Variants in COL11A1 observed in about 807,000 individuals in gnomAD.
COL11A1 encodes the protein collagen type XI alpha 1 chain.
COL11A1 carries 74 observed loss-of-function variants against 265.2 expected under a neutral mutation model. The ratio of observed to expected loss-of-function variants is 0.28; its 90% CI spans 0.23 to 0.34. The LOEUF (loss-of-function observed/expected upper bound fraction) is 0.34. COL11A1 is among the 10% of genes least tolerant of loss of function. The pLI, the probability that COL11A1 is intolerant of heterozygous loss-of-function variation, is 1.00. For synonymous variants in COL11A1, 816 were observed against 727.6 expected (o/e 1.12, Z -1.96); for missense variants, 2,165 against 2,263.6 (o/e 0.96, Z 0.88).
At position 102,886,972 on chromosome 1, in the gene COL11A1, C is replaced by T. The variant is rs749676525; in HGVS notation, c.4693G>A (p.Ala1565Thr). ...RRHTEGMQADADDNILDYSDG... is the reference protein window; with the variant it reads ...RRHTEGMQADTDDNILDYSDG... ...GAGTAATCAAGAATATTATCATCTG[C>T]ATCTGCTTGCATGCCTTCAGTATGT... Residue 1565 changes from alanine (A) to threonine (T), a missense_variant, in exon 63 of 67, where the codon GCA becomes ACA. Ala to Thr is a moderately conservative substitution (Grantham distance 58). Coordinates refer to ENST00000370096, the MANE Select transcript of COL11A1 (RefSeq NM_001854.4). The T allele has an allele frequency of 1.2e-6, 2 of 1,613,870 alleles. No individual in the cohort carries two copies. The highest frequency in any genetic ancestry group is 8.5e-7 in the Non-Finnish European group (1 of 1,179,874).
chr1:103,040,725 G>A (rs1410305607), intron 4 of COL11A1, among the ~76,000 whole-genome samples: 1 of 151,488 alleles, frequency 6.6e-6, no homozygotes, highest in Non-Finnish European at 1.5e-5. Flanking sequence ...ATCATTTTGA[G>A]ACCTCTTTTT....
At chr1:103,012,506 C>A (rs759986986) in intron 13 of COL11A1, 37 bp from the exon 14 acceptor site, 2 of 1,497,906 alleles carry the variant, frequency 1.3e-6, no homozygotes, top group East Asian at 4.5e-5. Context: ...GTAATATTCT[C>A]CTGGAAGAGC....
intron 41 of COL11A1, among the ~76,000 whole-genome samples, chr1:102,951,538 A>G (rs1659878076): frequency 1.3e-5 from 2 of 152,080 alleles, no homozygotes; most frequent in Middle Eastern, 3.2e-3. Context: ...TCTACCAAAT[A>G]CAATAAATTA....
In COL11A1 at chr1:102,984,125, C is replaced by G. The variant is rs1471243934; in HGVS notation, c.2556+13G>C. 1 of 1,571,600 alleles carries G rather than the reference C, an allele frequency of 6.4e-7. No homozygotes were observed. Among genetic ancestry groups the G allele is most frequent in the Non-Finnish European group, 8.7e-7 (1 of 1,143,718 alleles). On this transcript the variant is annotated intron_variant, in intron 31 of 66. Coordinates refer to ENST00000370096, the MANE Select transcript of COL11A1 (RefSeq NM_001854.4). ...CGAAATGTTAATAAACTATAAATAT[C>G]AAGCTGTTTTACCTTTGGACCTTGT...
chr1:102,951,046 C>T (rs1659824867), intron 41 of COL11A1, among the ~76,000 whole-genome samples: 1 of 152,164 alleles, frequency 6.6e-6, no homozygotes, highest in East Asian at 1.9e-4. Flanking sequence ...CCCAGCCGTG[C>T]TGTACTGTGA....
chr1:102,924,697 A>C (rs533127611), intron 46 of COL11A1, among the ~76,000 whole-genome samples: 1 of 152,310 alleles, frequency 6.6e-6, no homozygotes, highest in South Asian at 2.1e-4. Flanking sequence ...TATGATACTG[A>C]AAATCCTGTC....
At chr1:103,037,158 A>G (rs1668439427) in intron 4 of COL11A1, among the ~76,000 whole-genome samples, 1 of 149,944 alleles carries the variant, frequency 6.7e-6, no homozygotes, top group South Asian at 2.1e-4. Context: ...ATATATATAT[A>G]AAGTCTATAT....
At chr1:103,060,931 A>G (rs1464397452) in intron 4 of COL11A1, among the ~76,000 whole-genome samples, 1 of 152,108 alleles carries the variant, frequency 6.6e-6, no homozygotes, top group Non-Finnish European at 1.5e-5. Context: ...TTAAATATGA[A>G]TGATTTAAAT....
intron 65 of COL11A1, among the ~76,000 whole-genome samples, chr1:102,880,874 T>C (rs1650152448): frequency 6.6e-6 from 1 of 151,920 alleles, no homozygotes; most frequent in South Asian, 2.1e-4. Context: ...ACACATAGAG[T>C]TCTATCTGTA....
At chr1:102,951,515 G>A (rs897008430) in intron 41 of COL11A1, among the ~76,000 whole-genome samples, 12 of 152,138 alleles carry the variant, frequency 7.9e-5, no homozygotes, top group African/African-American at 2.7e-4. Flanking sequence ...GGCTAACACG[G>A]TGAAACCCTG....
In COL11A1 at chr1:103,082,926, T is replaced by C; in HGVS notation, c.153A>G (p.Pro51=). The change falls in exon 2 of 67, where the codon CCA becomes CCG. Residue 51 remains proline, a synonymous_variant. Transcript: ENST00000370096. Reference sequence around the variant, plus strand: ...ATCCCGTTGTTTTTGATATTCCCTCTGGAGAATTGTGAAAATCTAGTGCTT... The same window carrying C: ...ATCCCGTTGTTTTTGATATTCCCTCCGGAGAATTGTGAAAATCTAGTGCTT... ...VLKALDFHNS[P]EGISKTTGFC... 4 of 1,613,488 alleles carry C rather than the reference T, an allele frequency of 2.5e-6. No homozygotes were observed. Among genetic ancestry groups the C allele is most frequent in the Non-Finnish European group, 3.4e-6 (4 of 1,179,672 alleles).
intron 41 of COL11A1, among the ~76,000 whole-genome samples, chr1:102,960,197 G>T (rs1557873707): frequency 6.6e-6 from 1 of 152,076 alleles, no homozygotes; most frequent in Non-Finnish European, 1.5e-5. Flanking sequence ...GTCAATGGTT[G>T]TTATATGATG....
At position 103,071,467 on chromosome 1, in the gene COL11A1, CTTTTTTTTTT is replaced by C. The variant is rs869263393; in HGVS notation, c.651+3141_651+3150del. ...AGGCTGTTGATTTGTGTTGGTAGGA[CTTTTTTTTTT>C]TTTTTTTTTTTTTTTTTGCCTGCAT... On this transcript the variant is annotated intron_variant, in intron 4 of 66. Coordinates refer to ENST00000370096, the MANE Select transcript of COL11A1 (RefSeq NM_001854.4). Among the ~76,000 whole-genome samples the C allele has an allele frequency of 3.2e-3, 161 of 49,892 alleles. 1 individual carries two copies. Among genetic ancestry groups the C allele is most frequent in the Non-Finnish European group, 5.3e-3 (137 of 25,876 alleles). The allele number at this position is 49,892 out of a possible 152,430, so 32.7% of individuals were successfully genotyped here. A position where few individuals can be genotyped will look rare whatever the true frequency, so the allele number is the denominator to read the frequency against.
chr1:103,048,592 A>T (rs189202069), intron 4 of COL11A1, among the ~76,000 whole-genome samples: 1 of 151,712 alleles, frequency 6.6e-6, no homozygotes, highest in African/African-American at 2.4e-5. Context: ...GTGTGTCTCT[A>T]TTTCCTTCAG....
At position 103,004,473 on chromosome 1, in the gene COL11A1, T is replaced by C. The variant is rs1005824320; in HGVS notation, c.1915A>G (p.Ile639Val). 1.2e-6 allele frequency: 2 copies of C among 1,611,968 alleles called. No homozygotes were observed. Among genetic ancestry groups the C allele is most frequent in the Non-Finnish European group, 1.7e-6 (2 of 1,178,818 alleles). ...TCACCTGGAAGACCTCTTGGTCCAATTTCTCCATCTTCTCCCTGTCATTGA... is the reference window on the plus strand; with the variant it reads ...TCACCTGGAAGACCTCTTGGTCCAACTTCTCCATCTTCTCCCTGTCATTGA... Reference protein sequence around the residue: ...DDGMRGEDGEIGPRGLPGEAG... With the variant: ...DDGMRGEDGEVGPRGLPGEAG... The change falls in exon 20 of 67, where the codon ATT becomes GTT. Residue 639 changes from isoleucine to valine, a missense_variant. Coordinates refer to ENST00000370096, the MANE Select transcript of COL11A1 (RefSeq NM_001854.4).
chr1:102,998,200 C>A, intron 25 of COL11A1, 110 bp downstream of exon 25: 1 of 910,028 alleles, frequency 1.1e-6, no homozygotes, highest in Non-Finnish European at 1.8e-6. Context: ...TAATTACTGG[C>A]TCAATTTATT....
At chr1:103,029,792 G>A (rs891286628) in intron 5 of COL11A1, among the ~76,000 whole-genome samples, 10 of 151,776 alleles carry the variant, frequency 6.6e-5, no homozygotes, top group Non-Finnish European at 8.8e-5. Context: ...TTAAGAAGAT[G>A]GATACAAATT....
At chr1:102,946,182 TG>T (rs1367886533) in intron 42 of COL11A1, among the ~76,000 whole-genome samples, 1 of 81,544 alleles carries the variant, frequency 1.2e-5, no homozygotes, top group Non-Finnish European at 2.3e-5. Flanking sequence ...TGTTGTGGGG[TG>T]GGGGGAGGGG....
At chr1:103,078,949 T>C (rs961709694) in intron 2 of COL11A1, 78 bp from the exon 3 acceptor site, 2 of 1,032,386 alleles carry the variant, frequency 1.9e-6, no homozygotes, top group Non-Finnish European at 2.9e-6. Flanking sequence ...GTGGTATTTT[T>C]GAAATTTCTA....
Sources: gnomAD v4.1 joint callset for allele counts (sites outside exome capture counted in the v4.1 genomes callset) on GRCh38, gnomAD v4.1.1 for gene constraint, MANE v1.5 for transcripts, NCBI Gene and HGNC (gene_info 2026-07-23, HGNC 2026-07-21) for gene names.